NALF1: variants seen among roughly 807,000 people sequenced by gnomAD.
NALF1 encodes the protein NALCN channel auxiliary factor 1.
A neutral mutation model predicts 48.4 loss-of-function variants in NALF1; 3 were observed. The observed-to-expected ratio is 0.06, with a 90% CI of 0.03 to 0.16. The LOEUF (loss-of-function observed/expected upper bound fraction) is 0.16. Ranked by LOEUF, NALF1 falls within the 10% of genes least tolerant of loss-of-function variation. The pLI, the probability that NALF1 is intolerant of heterozygous loss-of-function variation, is 1.00. For missense variants in NALF1, 526 were observed against 571.5 expected (o/e 0.92, Z 0.81); for synonymous variants, 262 against 245.7 (o/e 1.07, Z -0.62).
intron 1 of NALF1, among the ~76,000 whole-genome samples, chr13:107,508,875 T>C (rs1249828427): frequency 2.0e-5 from 3 of 152,036 alleles, no homozygotes; most frequent in Middle Eastern, 3.4e-3. Flanking sequence ...AGCTGGAAAA[T>C]ACTACGCTTT....
chr13:107,261,959 T>A lies in NALF1; in HGVS notation c.916-51204A>T, dbSNP rs144855765. On this transcript the variant is annotated intron_variant, in intron 1 of 2. Transcript: ENST00000375915. The stretch of plus-strand genomic sequence containing the variant: ...TCCCGCATCCTCCATTTCAAGAGTA[T>A]CCAGGTATGGAAATATATCAGGGGC... Among the ~76,000 whole-genome samples the A allele has an allele frequency of 9.2e-3, 1,398 of 152,294 alleles. 19 individuals carry two copies. Among genetic ancestry groups the A allele is most frequent in the African/African-American group, 0.021 (884 of 41,548 alleles).
chr13:107,613,256 T>TA (rs1294866723), intron 1 of NALF1, among the ~76,000 whole-genome samples: 2 of 152,216 alleles, frequency 1.3e-5, no homozygotes, highest in Non-Finnish European at 2.9e-5. Context: ...GGCAGACTGT[T>TA]ATATTAAGAG....
intron 1 of NALF1, among the ~76,000 whole-genome samples, chr13:107,229,086 T>C (rs1880166845): frequency 6.6e-6 from 1 of 152,166 alleles, no homozygotes; most frequent in Non-Finnish European, 1.5e-5. Flanking sequence ...TTTACTAATA[T>C]TGTTGTGCTT....
chr13:107,436,576 T>C (rs1005373820), intron 1 of NALF1, among the ~76,000 whole-genome samples: 4 of 152,176 alleles, frequency 2.6e-5, no homozygotes, highest in Admixed American at 6.6e-5. Flanking sequence ...AGAAACTTCC[T>C]CTATTTTATA....
At chr13:107,523,598 G>A (rs1025545208) in intron 1 of NALF1, among the ~76,000 whole-genome samples, 2 of 136,950 alleles carry the variant, frequency 1.5e-5, no homozygotes, top group African/African-American at 5.5e-5. Flanking sequence ...AGTTCCAGTT[G>A]TCAAGTCTAG....
At chr13:107,293,353 C>T (rs544630538) in intron 1 of NALF1, among the ~76,000 whole-genome samples, 45 of 152,158 alleles carry the variant, frequency 3.0e-4, no homozygotes, top group African/African-American at 9.2e-4. Context: ...TTAGGCGGTG[C>T]GTGACTGTAT....
intron 1 of NALF1, among the ~76,000 whole-genome samples, chr13:107,687,183 G>A (rs1881453173): frequency 6.6e-6 from 1 of 152,128 alleles, no homozygotes; most frequent in South Asian, 2.1e-4. Context: ...TTTCCTAAGT[G>A]AATTAATGCA....
chr13:107,821,748 G>C lies in NALF1; in HGVS notation c.915+43934C>G, dbSNP rs180893146. Reference sequence around the variant, plus strand: ...ATAGGGTGACTAGTGTAATCCAAATGATGTCATACCATTAATTATGTTAAC... The same window carrying C: ...ATAGGGTGACTAGTGTAATCCAAATCATGTCATACCATTAATTATGTTAAC... On this transcript the variant is annotated intron_variant, in intron 1 of 2. Coordinates refer to ENST00000375915, the MANE Select transcript of NALF1 (RefSeq NM_001080396.3). 2.2e-4 allele frequency among the ~76,000 whole-genome samples: 34 copies of C among 152,260 alleles called. 1 individual carries two copies. Among genetic ancestry groups the C allele is most frequent in the Admixed American group, 5.9e-4 (9 of 15,300 alleles).
At chr13:107,315,422 G>A (rs964489744) in intron 1 of NALF1, among the ~76,000 whole-genome samples, 22 of 151,900 alleles carry the variant, frequency 1.4e-4, no homozygotes, top group African/African-American at 3.9e-4. Flanking sequence ...ATATATTCTC[G>A]TTGCATGTGT....
At chr13:107,303,464 GTGT>G (rs1184887583) in intron 1 of NALF1, among the ~76,000 whole-genome samples, 1 of 152,104 alleles carries the variant, frequency 6.6e-6, no homozygotes, top group Non-Finnish European at 1.5e-5. Context: ...GCCATACATA[GTGT>G]TATTTTAATT....
intron 1 of NALF1, among the ~76,000 whole-genome samples, chr13:107,476,463 A>G (rs1016769007): frequency 6.6e-6 from 1 of 152,170 alleles, no homozygotes; most frequent in African/African-American, 2.4e-5. Flanking sequence ...GAAAATGTAT[A>G]TAATCCTGCC....
intron 1 of NALF1, among the ~76,000 whole-genome samples, chr13:107,481,992 A>C (rs1212000337): frequency 2.0e-5 from 3 of 152,116 alleles, no homozygotes; most frequent in Non-Finnish European, 4.4e-5. Flanking sequence ...GGTTAAGTTT[A>C]TGTGTCAACT....
rs900712758 is a variant in NALF1 at position 107,388,168 on chromosome 13, T to C, written c.916-177413A>G. 2.6e-5 allele frequency among the ~76,000 whole-genome samples: 4 copies of C among 152,216 alleles called. No individual in the cohort carries two copies. In the South Asian group the frequency reaches 6.2e-4, roughly 24 times the overall value. ...CAGAATGTTCCCAGAATTTCCCTTA[T>C]AGTACTTAATCATTTATAATGTACG... is the stretch of plus-strand genomic sequence containing the variant. On this transcript the variant is annotated intron_variant, in intron 1 of 2. Coordinates refer to ENST00000375915, the MANE Select transcript of NALF1 (RefSeq NM_001080396.3).
At chr13:107,643,130 T>C (rs1880206412) in intron 1 of NALF1, among the ~76,000 whole-genome samples, 1 of 152,146 alleles carries the variant, frequency 6.6e-6, no homozygotes, top group African/African-American at 2.4e-5. Context: ...CATTCACCCA[T>C]CCAGACAGAG....
intron 1 of NALF1, among the ~76,000 whole-genome samples, chr13:107,295,560 A>G (rs1006349226): frequency 3.3e-5 from 5 of 152,130 alleles, no homozygotes; most frequent in Non-Finnish European, 5.9e-5. Context: ...ACACTCAGTG[A>G]GACGACAAGT....
At chr13:107,763,129 A>T (rs1877314110) in intron 1 of NALF1, among the ~76,000 whole-genome samples, 1 of 152,084 alleles carries the variant, frequency 6.6e-6, no homozygotes, top group South Asian at 2.1e-4. Flanking sequence ...AACTTTTTGA[A>T]ACCATTTTAT....
chr13:107,702,792 C>A (rs1566449561), intron 1 of NALF1, among the ~76,000 whole-genome samples: 1 of 152,078 alleles, frequency 6.6e-6, no homozygotes, highest in Non-Finnish European at 1.5e-5. Flanking sequence ...TGAGAACATG[C>A]AGTTTTTGAT....
chr13:107,236,180 T>C (rs1052607335), intron 1 of NALF1, among the ~76,000 whole-genome samples: 6 of 152,072 alleles, frequency 3.9e-5, no homozygotes, highest in Non-Finnish European at 7.4e-5. Context: ...TGTTGGTTGC[T>C]CTCTAGCTTG....
rs560784991 is a variant in NALF1 at position 107,647,311 on chromosome 13, T to C, written c.915+218371A>G. The stretch of plus-strand genomic sequence containing the variant: ...TCACTCTATGCCCTCAGTAAAGAGT[T>C]AGTTTTCAAAATTTTGTCCTTTTTT... On this transcript the variant is annotated intron_variant, in intron 1 of 2. Transcript: ENST00000375915. Among the ~76,000 whole-genome samples, 7 of 152,144 alleles carry C rather than the reference T, an allele frequency of 4.6e-5. No individual in the cohort carries two copies. The East Asian group carries it at 1.4e-3, about 29-fold the overall frequency.
Sources: allele counts gnomAD v4.1 joint callset (sites outside exome capture counted in the v4.1 genomes callset), GRCh38; gene constraint gnomAD v4.1.1; transcripts MANE v1.5; gene names NCBI Gene and HGNC (gene_info 2026-07-23, HGNC 2026-07-21).